The following MICU2 variants were observed in gnomAD, a reference collection of about 807,000 sequenced individuals.
MICU2 encodes calcium uptake protein 2, mitochondrial.
A neutral mutation model predicts 60.4 loss-of-function variants in MICU2; 64 were observed. The ratio of observed to expected loss-of-function variants is 1.06; its 90% CI spans 0.87 to 1.31. The LOEUF (loss-of-function observed/expected upper bound fraction) is 1.31. MICU2 is among the 50% of genes most tolerant of loss of function. The pLI, the probability that MICU2 is intolerant of heterozygous loss-of-function variation, is 0.00. For synonymous variants in MICU2, 201 were observed against 175.0 expected, an observed-to-expected ratio of 1.15 and a Z score of -1.17; for missense variants, 569 against 531.0, an observed-to-expected ratio of 1.07 and a Z score of -0.70.
chr13:21,493,211 T>C lies in MICU2; in HGVS notation c.*38A>G, dbSNP rs765223748. On this transcript the variant is annotated 3_prime_UTR_variant, in exon 12 of 12. Transcript: ENST00000382374. ...TTCTAAAAAATCACAAATTTTGACA[T>C]TTGGAACAATATAATTGCCATACTA... 1 of 1,419,534 alleles carries C rather than the reference T, an allele frequency of 7.0e-7. No individual in the cohort carries two copies. Among genetic ancestry groups the C allele is most frequent in the South Asian group, 1.3e-5 (1 of 78,472 alleles). The allele number at this position is 1,419,534 out of a possible 1,614,324, so 87.9% of individuals were successfully genotyped here. A position where few individuals can be genotyped will look rare whatever the true frequency, so the allele number is the denominator to read the frequency against.
chr13:21,572,363 G>A (rs1289514965), intron 1 of MICU2, among the ~76,000 whole-genome samples: 2 of 152,236 alleles, frequency 1.3e-5, no homozygotes, highest in African/African-American at 4.8e-5. Context: ...GGGCATGTAG[G>A]AAGAGGGGCA....
chr13:21,534,801 T>C (rs1475193395), intron 4 of MICU2, among the ~76,000 whole-genome samples: 3 of 152,134 alleles, frequency 2.0e-5, no homozygotes, highest in Non-Finnish European at 4.4e-5. Context: ...ATGGCTTAAT[T>C]AAGAAAGATT....
intron 1 of MICU2, among the ~76,000 whole-genome samples, chr13:21,580,585 C>CTCTTAAATATTTAAGAGTAAG (rs1477978280): frequency 6.6e-6 from 1 of 151,932 alleles, no homozygotes; most frequent in South Asian, 2.1e-4. Flanking sequence ...TTGTGAAGTA[C>CTCTTAAATATTTAAGAGTAAG]TCTTAAATAT....
At chr13:21,531,140 C>G (rs1179898816) in intron 4 of MICU2, 2 of 911,878 alleles carry the variant, frequency 2.2e-6, no homozygotes, top group Non-Finnish European at 3.7e-6. Flanking sequence ...TTGTGGTTAT[C>G]TATGAAGACA....
intron 4 of MICU2, among the ~76,000 whole-genome samples, chr13:21,532,219 C>T (rs933958080): frequency 2.6e-5 from 4 of 152,164 alleles, no homozygotes; most frequent in African/African-American, 7.2e-5. Context: ...AACTTTCTAC[C>T]TTGTCTTCAA....
intron 9 of MICU2, among the ~76,000 whole-genome samples, chr13:21,497,482 C>T (rs773019735): frequency 1.6e-4 from 24 of 152,090 alleles, no homozygotes; most frequent in Non-Finnish European, 2.8e-4. Context: ...GCTGAGGTGG[C>T]CGGACTGCCT....
intron 1 of MICU2, among the ~76,000 whole-genome samples, chr13:21,598,513 C>T (rs778819463): frequency 1.2e-4 from 18 of 152,156 alleles, no homozygotes; most frequent in African/African-American, 3.9e-4. Flanking sequence ...GTCAAGAGTT[C>T]GAGACCAGCC....
chr13:21,596,338 A>C (rs368232278), intron 1 of MICU2, among the ~76,000 whole-genome samples: 32 of 151,106 alleles, frequency 2.1e-4, no homozygotes, highest in African/African-American at 6.3e-4. Flanking sequence ...ACTTCCCCCC[A>C]CATTTCCTTA....
intron 6 of MICU2, among the ~76,000 whole-genome samples, chr13:21,517,806 C>CGCGT (rs950489712): frequency 3.3e-5 from 5 of 151,000 alleles, no homozygotes; most frequent in African/African-American, 9.8e-5. Flanking sequence ...CACACGCGCG[C>CGCGT]GCGCGCGCAC....
At chr13:21,516,779 T>C (rs1242319460) in intron 6 of MICU2, among the ~76,000 whole-genome samples, 1 of 152,208 alleles carries the variant, frequency 6.6e-6, no homozygotes, top group Non-Finnish European at 1.5e-5. Context: ...CACCTATATT[T>C]ATTTAAAAAT....
intron 4 of MICU2, among the ~76,000 whole-genome samples, chr13:21,532,756 T>C (rs2798274): frequency 0.95 from 144,293 of 152,284 alleles, 68,502 homozygotes; most frequent in East Asian, 1. Context: ...CCTCATTGAA[T>C]TGGTAACAAG....
chr13:21,561,386 A>G (rs1887836576), intron 2 of MICU2, among the ~76,000 whole-genome samples: 1 of 152,158 alleles, frequency 6.6e-6, no homozygotes, highest in Admixed American at 6.5e-5. Flanking sequence ...TCAATGACAG[A>G]AGGCTCTTGA....
intron 1 of MICU2, among the ~76,000 whole-genome samples, chr13:21,601,364 G>C (rs1888810471): frequency 6.6e-6 from 1 of 152,196 alleles, no homozygotes; most frequent in Non-Finnish European, 1.5e-5. Flanking sequence ...TTCAGCCACT[G>C]ATGCTGAAAG....
Position 21,530,970 on chromosome 13 carries a change from T to A in MICU2, c.467-8320A>T, listed in dbSNP as rs185001446. ...TCCAGATCATTTACAGTGACAAATA[T>A]ACACTCTGGAAATGATTAAACTAGT... On this transcript the variant is annotated intron_variant, in intron 4 of 11. Transcript: ENST00000382374. The A allele has an allele frequency of 4.8e-5, 37 of 777,858 alleles. 1 individual carries two copies. The African/African-American group carries it at 5.9e-4, about 12-fold the overall frequency. The allele number at this position is 777,858 out of a possible 1,614,324, so 48.2% of individuals were successfully genotyped here. A position where few individuals can be genotyped will look rare whatever the true frequency, so the allele number is the denominator to read the frequency against.
chr13:21,507,380 A>G (rs1428169174), intron 8 of MICU2, among the ~76,000 whole-genome samples: 1 of 152,176 alleles, frequency 6.6e-6, no homozygotes, highest in African/African-American at 2.4e-5. Flanking sequence ...AAATTATCCC[A>G]GTAATATGAC....
chr13:21,553,951 G>A (rs1887636850), intron 2 of MICU2, among the ~76,000 whole-genome samples: 1 of 152,114 alleles, frequency 6.6e-6, no homozygotes, highest in South Asian at 2.1e-4. Context: ...TTACATAATG[G>A]TAAAGGGATC....
chr13:21,497,307 G>C (rs1205290526), intron 9 of MICU2, among the ~76,000 whole-genome samples: 1 of 152,118 alleles, frequency 6.6e-6, no homozygotes, highest in Non-Finnish European at 1.5e-5. Context: ...GGAGGCTACA[G>C]TGAGCCAAGA....
chr13:21,508,739 TATC>T (rs1281998660), intron 8 of MICU2, among the ~76,000 whole-genome samples: 20 of 152,336 alleles, frequency 1.3e-4, no homozygotes, highest in Non-Finnish European at 1.2e-4. Flanking sequence ...CTTGCTGTGT[TATC>T]ATTCCCTCAA....
chr13:21,522,810 A>G (rs1886751816), intron 4 of MICU2, among the ~76,000 whole-genome samples, 160 bp from the exon 5 acceptor site: 1 of 152,202 alleles, frequency 6.6e-6, no homozygotes, highest in African/African-American at 2.4e-5. Context: ...GTAGAGGCCT[A>G]ATACTTAAAA....
Sources: allele counts gnomAD v4.1 joint callset (sites outside exome capture counted in the v4.1 genomes callset), GRCh38; gene constraint gnomAD v4.1.1; transcripts MANE v1.5; gene names NCBI Gene and HGNC (gene_info 2026-07-23, HGNC 2026-07-21).